Variants in TMEM132B observed in about 807,000 individuals in gnomAD.
The protein encoded by TMEM132B is transmembrane protein 132B.
Under a neutral mutation model 90.8 loss-of-function variants are expected in TMEM132B, and 18 were observed. The observed-to-expected ratio is 0.20, with a 90% confidence interval of 0.14 to 0.29. The LOEUF is 0.29. Among genes scored for constraint, TMEM132B ranks in the 10% least tolerant of loss-of-function variants. The pLI is 1.00. For missense variants in TMEM132B, 1,096 were observed against 1,326.8 expected (o/e 0.83, Z 2.70); for synonymous variants, 504 against 523.3 (o/e 0.96, Z 0.50).
chr12:125,323,138 A>G (rs950720660), intron 1 of TMEM132B, among the ~76,000 whole-genome samples: 1 of 152,162 alleles, frequency 6.6e-6, no homozygotes, highest in African/African-American at 2.4e-5. Context: ...GTCTTTTGCC[A>G]CTACGAAAAT....
intron 1 of TMEM132B, among the ~76,000 whole-genome samples, chr12:125,288,462 C>CAAAA (rs11423298): frequency 3.9e-5 from 4 of 102,902 alleles, no homozygotes; most frequent in Admixed American, 1.1e-4. Context: ...GACTCCATCT[C>CAAAA]AAAAAAAAAA....
chr12:125,326,713 G>A (rs369356443), intron 1 of TMEM132B: 5 of 1,591,830 alleles, frequency 3.1e-6, no homozygotes, highest in Non-Finnish European at 4.3e-6. Flanking sequence ...AACCAGGACA[G>A]GGATGGGACC....
chr12:125,592,537 G>GA (rs573400580), intron 5 of TMEM132B, among the ~76,000 whole-genome samples: 169 of 148,452 alleles, frequency 1.1e-3, no homozygotes, highest in African/African-American at 3.6e-3. Context: ...GTGGATGTCA[G>GA]AAAAAAAAAA....
At chr12:125,398,342 G>T (rs1460100870) in intron 2 of TMEM132B, among the ~76,000 whole-genome samples, 1 of 152,208 alleles carries the variant, frequency 6.6e-6, no homozygotes, top group African/African-American at 2.4e-5. Flanking sequence ...ACCATTGCCT[G>T]TAGGGACCAG....
intron 3 of TMEM132B, among the ~76,000 whole-genome samples, chr12:125,476,312 C>T (rs1222382604): frequency 6.6e-6 from 1 of 152,120 alleles, no homozygotes; most frequent in Non-Finnish European, 1.5e-5. Flanking sequence ...CATTCCCTGC[C>T]CTGCTCTTGA....
At chr12:125,637,552 A>G (rs1886515966) in intron 5 of TMEM132B, among the ~76,000 whole-genome samples, 1 of 152,210 alleles carries the variant, frequency 6.6e-6, no homozygotes, top group East Asian at 1.9e-4. Context: ...CCATCCGGAA[A>G]GGTGGGACAA....
chr12:125,510,094 A>G (rs545641548), intron 3 of TMEM132B, among the ~76,000 whole-genome samples: 48 of 152,224 alleles, frequency 3.2e-4, no homozygotes, highest in Non-Finnish European at 5.1e-4. Flanking sequence ...GGATGTTGTC[A>G]GAAAGATAGA....
chr12:125,371,662 A>C (rs749690592), intron 2 of TMEM132B, among the ~76,000 whole-genome samples: 1 of 152,178 alleles, frequency 6.6e-6, no homozygotes, highest in Non-Finnish European at 1.5e-5. Context: ...TGCTCTGTGT[A>C]ATTAGTTTGT....
chr12:125,415,558 A>T lies in TMEM132B; in HGVS notation c.987A>T (p.Ile329=), dbSNP rs143188464. ...TTAAGGCGGCAGCAGGTGTGAAGAT[A>T]ACGGCAGTGAGAGTCAGCAGTGAGG... ...LRIKAAAGVK[I]TAVRVSSEDQ... Residue 329 remains isoleucine (I), a synonymous_variant, in exon 3 of 9, where the codon ATA becomes ATT. Coordinates refer to ENST00000682704, the MANE Select transcript of TMEM132B (RefSeq NM_001366854.1). The surrounding 1 kb of genome is among the most constrained non-coding windows in gnomAD (Gnocchi z 5.3). 1.5e-3 allele frequency: 2,403 copies of T among 1,614,174 alleles called. 32 individuals carry two copies. The African/African-American group carries it at 0.028, about 19-fold the overall frequency.
intron 1 of TMEM132B, among the ~76,000 whole-genome samples, chr12:125,205,373 A>G (rs1873157346): frequency 6.6e-6 from 1 of 151,990 alleles, no homozygotes; most frequent in Non-Finnish European, 1.5e-5. Flanking sequence ...TCCGTGTGTC[A>G]GGCAGGGTGC....
At chr12:125,298,954 C>G (rs1334236553) in intron 1 of TMEM132B, among the ~76,000 whole-genome samples, 1 of 151,864 alleles carries the variant, frequency 6.6e-6, no homozygotes, top group Non-Finnish European at 1.5e-5. Flanking sequence ...GGGATGGTCT[C>G]AATCTCCTGA....
chr12:125,608,042 T>G (rs1476646285), intron 5 of TMEM132B, among the ~76,000 whole-genome samples: 1 of 152,228 alleles, frequency 6.6e-6, no homozygotes, highest in Non-Finnish European at 1.5e-5. Flanking sequence ...ATAAAGTCAC[T>G]ATGGACATCT....
intron 1 of TMEM132B, among the ~76,000 whole-genome samples, chr12:125,295,538 G>GAGAC (rs1555237240): frequency 0.064 from 9,293 of 146,134 alleles, 384 homozygotes; most frequent in South Asian, 0.087. Context: ...GAGAGAGAGA[G>GAGAC]AGAGACAGAG....
intron 1 of TMEM132B, among the ~76,000 whole-genome samples, chr12:125,196,137 A>G (rs1346041688): frequency 6.6e-6 from 1 of 152,096 alleles, no homozygotes; most frequent in Non-Finnish European, 1.5e-5. Flanking sequence ...GCTGCAGAGG[A>G]GGTGAGAAGT....
At chr12:125,435,566 G>A (rs1403696981) in intron 3 of TMEM132B, among the ~76,000 whole-genome samples, 3 of 152,246 alleles carry the variant, frequency 2.0e-5, no homozygotes, top group Admixed American at 1.3e-4. Flanking sequence ...CCAGGCACTA[G>A]TATAGGTGCT....
At chr12:125,421,784 A>G (rs1448094030) in intron 3 of TMEM132B, among the ~76,000 whole-genome samples, 2 of 152,238 alleles carry the variant, frequency 1.3e-5, no homozygotes, top group African/African-American at 4.8e-5. Context: ...ACAAAAAACA[A>G]TGTTGACATA....
At chr12:125,638,088 G>T (rs1886533441) in intron 5 of TMEM132B, among the ~76,000 whole-genome samples, 1 of 152,168 alleles carries the variant, frequency 6.6e-6, no homozygotes, top group African/African-American at 2.4e-5. Flanking sequence ...TGGAGGAAGG[G>T]CCATGTTGTC....
At chr12:125,341,747 C>G (rs892539954) in intron 1 of TMEM132B, among the ~76,000 whole-genome samples, 1 of 152,194 alleles carries the variant, frequency 6.6e-6, no homozygotes, top group African/African-American at 2.4e-5. Context: ...TCTGAAGGAA[C>G]TCTGAGGGGG....
intron 5 of TMEM132B, among the ~76,000 whole-genome samples, chr12:125,623,473 T>G (rs1433960700): frequency 6.6e-6 from 1 of 152,050 alleles, no homozygotes; most frequent in Non-Finnish European, 1.5e-5. Context: ...ACCAAGCAGA[T>G]TCCAGAGATT....
Sources: gnomAD v4.1 joint callset for allele counts (sites outside exome capture counted in the v4.1 genomes callset) on GRCh38, gnomAD v4.1.1 for gene constraint, Gnocchi (gnomAD v3.1) non-coding constraint, MANE v1.5 for transcripts, NCBI Gene and HGNC (gene_info 2026-07-23, HGNC 2026-07-21) for gene names.